SFMBT1: variants seen among roughly 807,000 people sequenced by gnomAD.
The protein encoded by SFMBT1 is Scm like with four mbt domains 1, also known as scm-like with four MBT domains protein 1.
SFMBT1 carries 32 observed loss-of-function variants against 108.7 expected under a neutral mutation model. The ratio of observed to expected loss-of-function variants is 0.29; its 90% CI spans 0.22 to 0.40. The LOEUF (loss-of-function observed/expected upper bound fraction) is 0.40. Ranked by LOEUF, SFMBT1 falls within the 10% of genes least tolerant of loss-of-function variation. The pLI, the probability that SFMBT1 is intolerant of heterozygous loss-of-function variation, is 1.00. For missense variants in SFMBT1, 816 were observed against 1,059.6 expected (o/e 0.77, Z 3.19); for synonymous variants, 348 against 369.5 (o/e 0.94, Z 0.67).
At position 53,008,915 on chromosome 3, in the gene SFMBT1, G is replaced by T. The variant is rs181371248; in HGVS notation, c.-131+36901C>A. On this transcript the variant is annotated intron_variant, in intron 1 of 20. Coordinates refer to ENST00000394752, the MANE Select transcript of SFMBT1 (RefSeq NM_016329.4). Reference sequence around the variant, plus strand: ...CTCCCAAAGTGCTGGGATTACAGGCGTGAGCCACCGTGCCCGGCCGGAAGA... The same window carrying T: ...CTCCCAAAGTGCTGGGATTACAGGCTTGAGCCACCGTGCCCGGCCGGAAGA... 7.4e-3 allele frequency among the ~76,000 whole-genome samples: 1,125 copies of T among 151,952 alleles called. 19 individuals are homozygous for T. Among genetic ancestry groups the T allele is most frequent in the African/African-American group, 0.026 (1,074 of 41,502 alleles).
At chr3:52,984,301 C>T (rs1704827030) in intron 1 of SFMBT1, among the ~76,000 whole-genome samples, 1 of 152,136 alleles carries the variant, frequency 6.6e-6, no homozygotes, top group Non-Finnish European at 1.5e-5. Flanking sequence ...TAATTACTAT[C>T]TGTGTAGTGT....
chr3:52,994,075 T>G lies in SFMBT1; in HGVS notation c.-130-24817A>C, dbSNP rs985685569. ...GAAGGGTTTATTCATAAGCCATTAC[T>G]GCAGAGGAAAACAACAACAGACAAA... is the stretch of plus-strand genomic sequence containing the variant. On this transcript the variant is annotated intron_variant, in intron 1 of 20. Transcript: ENST00000394752. Among the ~76,000 whole-genome samples, 13 of 150,414 alleles carry G rather than the reference T, an allele frequency of 8.6e-5. 1 individual carries two copies. The highest frequency in any genetic ancestry group is 1.9e-4 in the Non-Finnish European group (13 of 67,170).
At chr3:52,918,645 ATATATGTGTGTG>A in intron 12 of SFMBT1, 119 bp from the exon 13 acceptor site, 1 of 500,310 alleles carries the variant, frequency 2.0e-6, no homozygotes, top group Non-Finnish European at 3.4e-6. Flanking sequence ...GTGTGTGTGT[ATATATGTGTGTG>A]TGTATATATA....
intron 17 of SFMBT1, among the ~76,000 whole-genome samples, chr3:52,910,183 G>T (rs1225777791): frequency 1.3e-5 from 2 of 151,994 alleles, no homozygotes; most frequent in Admixed American, 1.3e-4. Flanking sequence ...TCTAAATACT[G>T]ACCCCTCTCT....
chr3:52,974,143 G>A (rs751778889), intron 1 of SFMBT1, among the ~76,000 whole-genome samples: 9 of 152,058 alleles, frequency 5.9e-5, no homozygotes, highest in Admixed American at 4.6e-4. Context: ...TGATATGTTC[G>A]GTGGCTGGAA....
chr3:52,956,526 C>T (rs1393755910), intron 2 of SFMBT1, among the ~76,000 whole-genome samples: 2 of 151,910 alleles, frequency 1.3e-5, no homozygotes, highest in South Asian at 2.1e-4. Flanking sequence ...TTTGGAAGGC[C>T]GAGGCTGGTG....
intron 1 of SFMBT1, among the ~76,000 whole-genome samples, chr3:53,038,474 C>T (rs1432448417): frequency 6.6e-6 from 1 of 152,130 alleles, no homozygotes; most frequent in Admixed American, 6.5e-5. Context: ...GAAGAAAGGA[C>T]AGTAATTAAG....
chr3:52,997,620 C>T (rs1698385172), intron 1 of SFMBT1, among the ~76,000 whole-genome samples: 1 of 150,306 alleles, frequency 6.7e-6, no homozygotes, highest in African/African-American at 2.4e-5. Context: ...TCAAAAACTT[C>T]ATGCTATATG....
intron 13 of SFMBT1, among the ~76,000 whole-genome samples, chr3:52,916,623 C>T (rs548812638): frequency 6.6e-6 from 1 of 151,470 alleles, no homozygotes; most frequent in South Asian, 2.1e-4. Context: ...GAGCCGAGAT[C>T]GTGCCACTGC....
chr3:52,932,336 AG>A lies in SFMBT1; in HGVS notation c.454-29del. On this transcript the variant is annotated intron_variant, in intron 5 of 20. Coordinates refer to ENST00000394752, the MANE Select transcript of SFMBT1 (RefSeq NM_016329.4). Reference sequence around the variant, plus strand: ...GTAGGATTAAAAAGTAAAACAACCCAGTAAGAGAAATTAACATAATATTTTT... The same window carrying A: ...GTAGGATTAAAAAGTAAAACAACCCATAAGAGAAATTAACATAATATTTTT... 3.1e-6 allele frequency: 5 copies of A among 1,590,040 alleles called. No individual in the cohort carries two copies. In the South Asian group the frequency reaches 4.6e-5, roughly 15 times the overall value.
intron 1 of SFMBT1, among the ~76,000 whole-genome samples, chr3:52,993,752 T>C (rs575067690): frequency 9.3e-5 from 14 of 150,136 alleles, no homozygotes; most frequent in African/African-American, 3.1e-4. Context: ...AACAGTAAAA[T>C]AGCAAGCGCT....
chr3:52,919,855 T>C (rs929024369), intron 12 of SFMBT1, among the ~76,000 whole-genome samples: 7 of 152,258 alleles, frequency 4.6e-5, no homozygotes, highest in African/African-American at 1.7e-4. Flanking sequence ...GCATTCTTGC[T>C]GCTATGGTCT....
At position 52,954,366 on chromosome 3, in the gene SFMBT1, T is replaced by C. The variant is rs200805193; in HGVS notation, c.74A>G (p.Tyr25Cys). Residue 25 changes from tyrosine (Y) to cysteine (C), a missense_variant, in exon 3 of 21, where the codon TAT (tyrosine) becomes TGT (cysteine). By Grantham distance (194) the Tyr-to-Cys change is radical. This residue lies in a region of SFMBT1 where 495 missense variants were observed against 607.4 expected (regional missense o/e 0.81). Transcript: ENST00000394752. Reference protein sequence around the residue: ...MEEVELSWEDYLEETGSTAVP... With the variant: ...MEEVELSWEDCLEETGSTAVP... ...TGCTGTGGACCCTGTTTCTTCTAGA[T>C]AATCTTCCCAGCTTAATTCTACCTC... The C allele has an allele frequency of 3.1e-5, 50 of 1,613,982 alleles. No homozygotes were observed. The highest frequency in any genetic ancestry group is 4.1e-5 in the Non-Finnish European group (48 of 1,179,954).
At chr3:52,929,800 A>C (rs1364033768) in intron 8 of SFMBT1, among the ~76,000 whole-genome samples, 1 of 152,244 alleles carries the variant, frequency 6.6e-6, no homozygotes, top group East Asian at 1.9e-4. Context: ...TTCTCTCGCC[A>C]ATGCCTCAGT....
chr3:52,958,014 C>T (rs1005796908), intron 2 of SFMBT1, among the ~76,000 whole-genome samples: 7 of 151,982 alleles, frequency 4.6e-5, no homozygotes, highest in Non-Finnish European at 2.9e-5. Context: ...ATCACCAGAG[C>T]GAACAGACAA....
At chr3:52,920,801 T>C in intron 11 of SFMBT1, 151 bp from the exon 12 acceptor site, 1 of 593,538 alleles carries the variant, frequency 1.7e-6, no homozygotes, top group South Asian at 2.3e-5. Flanking sequence ...TACATTTTCA[T>C]GTATGATAAA....
intron 1 of SFMBT1, among the ~76,000 whole-genome samples, chr3:52,973,191 T>C (rs1295299857): frequency 6.6e-6 from 1 of 151,910 alleles, no homozygotes; most frequent in Non-Finnish European, 1.5e-5. Flanking sequence ...CATTCTAGCC[T>C]GGGCAACAGA....
At chr3:52,931,491 C>T (rs1185713669) in intron 6 of SFMBT1, among the ~76,000 whole-genome samples, 2 of 152,028 alleles carry the variant, frequency 1.3e-5, no homozygotes, top group Admixed American at 1.3e-4. Flanking sequence ...GCACAGTAGT[C>T]TATGAGGTAT....
intron 20 of SFMBT1, 122 bp downstream of exon 20, chr3:52,905,990 AG>A: frequency 8.8e-7 from 1 of 1,139,548 alleles, no homozygotes; most frequent in East Asian, 2.5e-5. Context: ...AATGGAATTA[AG>A]ACAATTCTTG....
Sources: gnomAD v4.1 joint callset for allele counts (sites outside exome capture counted in the v4.1 genomes callset) on GRCh38, gnomAD v4.1.1 for gene constraint, gnomAD v4.1.1 regional missense constraint, MANE v1.5 for transcripts, NCBI Gene and HGNC (gene_info 2026-07-23, HGNC 2026-07-21) for gene names.